SLC25A37: variants seen among roughly 807,000 people sequenced by gnomAD.
The protein encoded by SLC25A37 is mitoferrin-1.
Under a neutral mutation model 31.0 loss-of-function variants are expected in SLC25A37, and 17 were observed. That is an observed-to-expected ratio of 0.55 (90% confidence interval 0.38 to 0.82). SLC25A37 has a LOEUF of 0.82. Ranked by LOEUF, SLC25A37 falls within the 40% of genes least tolerant of loss-of-function variation. The pLI, the probability that SLC25A37 is intolerant of heterozygous loss-of-function variation, is 0.00. For missense variants in SLC25A37, 404 were observed against 465.8 expected (o/e 0.87, Z 1.22); for synonymous variants, 222 against 193.0 (o/e 1.15, Z -1.24).
rs1343573868 is a variant in SLC25A37 at position 23,574,409 on chromosome 8, T to C, written c.*2554T>C. On this transcript the variant is annotated 3_prime_UTR_variant, in exon 4 of 4. Coordinates refer to ENST00000519973, the MANE Select transcript of SLC25A37 (RefSeq NM_016612.4). ...TGAACCCAGGAGGTGGAGGTTGCAG[T>C]GAGCTGAGATTGTGCCACTGCACTT... The C allele has an allele frequency of 6.5e-6, 1 of 153,568 alleles. No individual in the cohort carries two copies. The highest frequency in any genetic ancestry group is 1.5e-5 in the Non-Finnish European group (1 of 68,884). The allele number at this position is 153,568 out of a possible 1,614,324, so 9.5% of individuals were successfully genotyped here.
Position 23,533,082 on chromosome 8 carries a change from C to T in SLC25A37, c.210+3870C>T, listed in dbSNP as rs551272490. On this transcript the variant is annotated intron_variant, in intron 1 of 3. Transcript: ENST00000519973. Reference sequence around the variant, plus strand: ...CTCTCCTTTGATGAGAGGTGATTTTCTTAAAAGGCGAATTTGGAACGAGGA... The same window carrying T: ...CTCTCCTTTGATGAGAGGTGATTTTTTTAAAAGGCGAATTTGGAACGAGGA... Among the ~76,000 whole-genome samples the T allele has an allele frequency of 6.7e-4, 102 of 152,286 alleles. 1 individual carries two copies. The highest frequency in any genetic ancestry group is 1.2e-3 in the Non-Finnish European group (80 of 68,022).
rs545877657 is a variant in SLC25A37, at chr8:23,529,956, G to A, written c.210+744G>A. ...CTGTGGATTGTGTGAGAGGCACTCA[G>A]TTTCCTTTAAACCCTGTCTGTCACT... is the stretch of plus-strand genomic sequence containing the variant. On this transcript the variant is annotated intron_variant, in intron 1 of 3. Coordinates refer to ENST00000519973, the MANE Select transcript of SLC25A37 (RefSeq NM_016612.4). This position sits in a 1 kb window ranked among gnomAD's most constrained non-coding sequence, Gnocchi z 4.1. Among the ~76,000 whole-genome samples the A allele has an allele frequency of 4.6e-5, 7 of 152,230 alleles. No homozygotes were observed. Among genetic ancestry groups the A allele is most frequent in the African/African-American group, 1.7e-4 (7 of 41,544 alleles).
intron 1 of SLC25A37, among the ~76,000 whole-genome samples, chr8:23,552,413 A>C (rs1377722432): frequency 6.6e-6 from 1 of 152,156 alleles, no homozygotes; most frequent in African/African-American, 2.4e-5. Flanking sequence ...TAGGATTTCG[A>C]CCTTGTGGTA....
chr8:23,559,528 A>G (rs146519591), intron 1 of SLC25A37, among the ~76,000 whole-genome samples: 2 of 152,194 alleles, frequency 1.3e-5, no homozygotes, highest in African/African-American at 4.8e-5. Context: ...ATTTTTAAGC[A>G]TACAGTCCAG....
At chr8:23,546,906 G>T (rs922106048) in intron 1 of SLC25A37, among the ~76,000 whole-genome samples, 1 of 151,914 alleles carries the variant, frequency 6.6e-6, no homozygotes, top group African/African-American at 2.4e-5. Flanking sequence ...GTGCGTATTA[G>T]TACAATGTTA....
intron 1 of SLC25A37, among the ~76,000 whole-genome samples, chr8:23,562,645 C>T (rs1426398311): frequency 1.3e-5 from 2 of 152,196 alleles, no homozygotes; most frequent in African/African-American, 2.4e-5. Flanking sequence ...CATGAATCAC[C>T]GTCATGTAGC....
At chr8:23,550,095 C>G (rs1442353029) in intron 1 of SLC25A37, among the ~76,000 whole-genome samples, 1 of 132,236 alleles carries the variant, frequency 7.6e-6, no homozygotes, top group Non-Finnish European at 1.5e-5. Flanking sequence ...GCAGGAGAAT[C>G]GCTTGAACCC....
chr8:23,533,380 A>C (rs1170952649), intron 1 of SLC25A37, among the ~76,000 whole-genome samples: 1 of 152,158 alleles, frequency 6.6e-6, no homozygotes, highest in African/African-American at 2.4e-5. Context: ...CTTAAACTAT[A>C]CAGGGGTGTG....
At chr8:23,565,867 C>T (rs942430955) in intron 1 of SLC25A37, among the ~76,000 whole-genome samples, 1 of 152,254 alleles carries the variant, frequency 6.6e-6, no homozygotes, top group African/African-American at 2.4e-5. Context: ...CTTACTCTTC[C>T]ACAGCCTTCT....
intron 1 of SLC25A37, among the ~76,000 whole-genome samples, chr8:23,542,554 T>G (rs4872146): frequency 0.093 from 14,155 of 151,944 alleles, 959 homozygotes; most frequent in East Asian, 0.35. Flanking sequence ...TAATTTTGTA[T>G]TTTTGGTAGA....
chr8:23,544,053 T>G (rs1801972082), intron 1 of SLC25A37, among the ~76,000 whole-genome samples: 1 of 151,968 alleles, frequency 6.6e-6, no homozygotes, highest in Non-Finnish European at 1.5e-5. Context: ...AGCGATGGGG[T>G]TTCACCATGT....
intron 1 of SLC25A37, among the ~76,000 whole-genome samples, chr8:23,557,311 G>A (rs952023064): frequency 2.6e-5 from 4 of 152,152 alleles, no homozygotes; most frequent in Admixed American, 6.5e-5. Context: ...TGGACGGGTA[G>A]TGCCAACGGT....
intron 3 of SLC25A37, 133 bp from the exon 4 acceptor site, chr8:23,571,200 GCT>G: frequency 9.4e-7 from 1 of 1,066,054 alleles, no homozygotes; most frequent in South Asian, 1.7e-5. Flanking sequence ...GTGTGTGCTG[GCT>G]CTCGCCTGTT....
At chr8:23,552,468 C>T (rs1487138660) in intron 1 of SLC25A37, among the ~76,000 whole-genome samples, 5 of 152,084 alleles carry the variant, frequency 3.3e-5, no homozygotes, top group Non-Finnish European at 5.9e-5. Flanking sequence ...ATGTGGCTGG[C>T]GTGGGGTAGA....
At chr8:23,542,198 A>T (rs1048476686) in intron 1 of SLC25A37, among the ~76,000 whole-genome samples, 2 of 152,174 alleles carry the variant, frequency 1.3e-5, no homozygotes, top group Non-Finnish European at 2.9e-5. Flanking sequence ...ATCACAACGC[A>T]TTGCATTTCG....
chr8:23,559,680 T>C (rs1406795434), intron 1 of SLC25A37, among the ~76,000 whole-genome samples: 1 of 152,164 alleles, frequency 6.6e-6, no homozygotes, highest in Non-Finnish European at 1.5e-5. Context: ...AGCCCCTGGC[T>C]ACCCCCATTC....
intron 1 of SLC25A37, among the ~76,000 whole-genome samples, chr8:23,545,814 C>T (rs927017015): frequency 2.0e-5 from 3 of 151,690 alleles, no homozygotes; most frequent in Non-Finnish European, 2.9e-5. Context: ...GCCTTGGCAA[C>T]GGAGCAAGAC....
intron 1 of SLC25A37, among the ~76,000 whole-genome samples, chr8:23,564,800 C>T (rs752751598): frequency 7.2e-5 from 11 of 152,084 alleles, no homozygotes; most frequent in Non-Finnish European, 1.3e-4. Context: ...ATCTGTCTAA[C>T]TCTCTGCCTG....
intron 1 of SLC25A37, among the ~76,000 whole-genome samples, chr8:23,541,045 C>G (rs1418123405): frequency 6.6e-6 from 1 of 152,224 alleles, no homozygotes; most frequent in African/African-American, 2.4e-5. Flanking sequence ...CACTTAACCT[C>G]TCTCCTTACA....
Sources: gnomAD v4.1 joint callset for allele counts (sites outside exome capture counted in the v4.1 genomes callset) on GRCh38, gnomAD v4.1.1 for gene constraint, Gnocchi (gnomAD v3.1) non-coding constraint, MANE v1.5 for transcripts, NCBI Gene and HGNC (gene_info 2026-07-23, HGNC 2026-07-21) for gene names.